ARHGAP29: variants seen among roughly 807,000 people sequenced by gnomAD.
ARHGAP29 encodes the protein Rho GTPase activating protein 29, also known as rho GTPase-activating protein 29.
In ARHGAP29, 43 loss-of-function variants were observed where a neutral mutation model predicts 122.6. That is an observed-to-expected ratio of 0.35 (90% CI 0.27 to 0.45). The LOEUF (loss-of-function observed/expected upper bound fraction) is 0.45, where lower values mean the gene tolerates loss of function less well. Ranked by LOEUF, ARHGAP29 falls within the 20% of genes least tolerant of loss-of-function variation. The pLI, the probability that ARHGAP29 is intolerant of heterozygous loss-of-function variation, is 1.00. For missense variants in ARHGAP29, 1,303 were observed against 1,477.2 expected (o/e 0.88, Z 1.93); for synonymous variants, 506 against 497.1 (o/e 1.02, Z -0.24).
At chr1:94,216,164 T>C (rs574489299) in intron 3 of ARHGAP29, among the ~76,000 whole-genome samples, 2 of 152,302 alleles carry the variant, frequency 1.3e-5, no homozygotes, top group South Asian at 2.1e-4. Context: ...TCAGCAATTA[T>C]TCATCTAGGA....
intron 14 of ARHGAP29, 99 bp from the exon 15 acceptor site, chr1:94,189,040 C>T (rs1649977065): frequency 7.2e-7 from 1 of 1,389,382 alleles, no homozygotes. Flanking sequence ...ATTTCTTTAA[C>T]AATAACCAGT....
At chr1:94,186,397 C>CA in intron 16 of ARHGAP29, 102 bp downstream of exon 16, 1 of 811,694 alleles carries the variant, frequency 1.2e-6, no homozygotes. Context: ...GTTTAATACA[C>CA]AAAAAAGTAT....
At chr1:94,308,070 A>C in the ARHGAP29 span, among the ~76,000 whole-genome samples, 1 of 152,174 alleles carries the variant, frequency 6.6e-6, no homozygotes, top group Non-Finnish European at 1.5e-5. Flanking sequence ...CCTGGCACAA[A>C]GTATGTGCTC....
chr1:94,216,490 C>T (rs895411990), intron 3 of ARHGAP29, among the ~76,000 whole-genome samples: 6 of 152,134 alleles, frequency 3.9e-5, no homozygotes, highest in Non-Finnish European at 8.8e-5. Flanking sequence ...TGTTACTTAT[C>T]TAGGTAAAGG....
intron 12 of ARHGAP29, among the ~76,000 whole-genome samples, chr1:94,198,178 T>C (rs2101481325): frequency 7.4e-6 from 1 of 135,952 alleles, no homozygotes; most frequent in African/African-American, 2.6e-5. Context: ...TATTTCTAAA[T>C]ATTAACAATT....
chr1:94,183,317 C>T (rs1474397636), intron 19 of ARHGAP29, among the ~76,000 whole-genome samples: 2 of 152,108 alleles, frequency 1.3e-5, no homozygotes, highest in Admixed American at 1.3e-4. Context: ...CACCCGAGGA[C>T]AGAATAGCAG....
upstream of ARHGAP29, among the ~76,000 whole-genome samples, chr1:94,279,214 A>C (rs879689757): frequency 3.9e-5 from 6 of 152,192 alleles, no homozygotes; most frequent in Non-Finnish European, 8.8e-5. Flanking sequence ...CAGATGGTTA[A>C]TCTCCAGCAG....
intron 2 of ARHGAP29, among the ~76,000 whole-genome samples, chr1:94,225,343 CA>C (rs1178092228): frequency 6.6e-6 from 1 of 152,032 alleles, no homozygotes; most frequent in African/African-American, 2.4e-5. Flanking sequence ...AGTAAAAACA[CA>C]ATTGATAATA....
intron 20 of ARHGAP29, 106 bp downstream of exon 20, chr1:94,179,604 AAAAAAAAAAAAAAAG>A: frequency 3.3e-6 from 2 of 608,020 alleles, no homozygotes; most frequent in Non-Finnish European, 5.2e-6. Flanking sequence ...AAAAAAAAAA[AAAAAAAAAAAAAAAG>A]AATGGCTAAG....
chr1:94,179,831 T>C lies in ARHGAP29; in HGVS notation c.2374A>G (p.Met792Val), dbSNP rs138781972. 13 of 1,613,342 alleles carry C rather than the reference T, an allele frequency of 8.1e-6. No individual in the cohort carries two copies. The African/African-American group carries it at 1.6e-4, about 20-fold the overall frequency. Residue 792 changes from methionine (M) to valine (V), a missense_variant, in exon 20 of 23, where the codon ATG (methionine) becomes GTG (valine). This residue lies in a region of ARHGAP29 where 620 missense variants were observed against 651.2 expected (regional missense o/e 0.95). Transcript: ENST00000260526. Reference protein sequence around the residue: ...NSLEDKKWPNMCIEINRILLK... With the variant: ...NSLEDKKWPNVCIEINRILLK... Reference sequence around the variant, plus strand: ...AGAATTCGGTTTATTTCTATACACATATTTGGCCATTTTTTGTCTTCAAGA... The same window carrying C: ...AGAATTCGGTTTATTTCTATACACACATTTGGCCATTTTTTGTCTTCAAGA...
intron 1 of ARHGAP29, among the ~76,000 whole-genome samples, chr1:94,272,027 T>C (rs2391472): frequency 0.091 from 13,776 of 152,144 alleles, 675 homozygotes; most frequent in South Asian, 0.13. Context: ...GGTTATCCAC[T>C]TGGGGACCTG....
chr1:94,294,507 C>T, the ARHGAP29 span, among the ~76,000 whole-genome samples: 3 of 152,232 alleles, frequency 2.0e-5, no homozygotes, highest in East Asian at 1.9e-4. Flanking sequence ...AGGCTTATCT[C>T]GCACTCCTGG....
At position 94,172,618 on chromosome 1, in the gene ARHGAP29, T is replaced by TAG. The variant is rs1010315301; in HGVS notation, c.*1250_*1251insCT. 3 of 146,720 alleles carry TAG rather than the reference T, an allele frequency of 2.0e-5. No individual in the cohort carries two copies. The highest frequency in any genetic ancestry group is 4.5e-5 in the Non-Finnish European group (3 of 67,404). 9.1% of individuals were successfully genotyped at this position (146,720 alleles called of 1,614,324 possible). A position where few individuals can be genotyped will look rare whatever the true frequency, so the allele number is the denominator to read the frequency against. ...TGAAATAATTTAACAAGTTGATATA[T>TAG]ATATATATATATATTATCAAGTATA... On this transcript the variant is annotated 3_prime_UTR_variant, in exon 23 of 23. Coordinates refer to ENST00000260526, the MANE Select transcript of ARHGAP29 (RefSeq NM_004815.4).
At chr1:94,216,118 T>C (rs1651943102) in intron 3 of ARHGAP29, among the ~76,000 whole-genome samples, 1 of 152,156 alleles carries the variant, frequency 6.6e-6, no homozygotes, top group Non-Finnish European at 1.5e-5. Context: ...AGGCATCTGG[T>C]AATATCAAAA....
intron 1 of ARHGAP29, among the ~76,000 whole-genome samples, chr1:94,248,639 T>C (rs1385769393): frequency 6.6e-6 from 1 of 152,250 alleles, no homozygotes; most frequent in African/African-American, 2.4e-5. Flanking sequence ...GTCATATTCT[T>C]CACCCTTCTT....
chr1:94,177,887 G>A lies in ARHGAP29; in HGVS notation c.2761C>T (p.Arg921Cys), dbSNP rs1649204849. Reference sequence around the variant, plus strand: ...GAAAAAAATAGTGACTTCATGGAACGTTCAATGTCTCTTTCTTCTGGTGAT... The same window carrying A: ...GAAAAAAATAGTGACTTCATGGAACATTCAATGTCTCTTTCTTCTGGTGAT... Reference protein sequence around the residue: ...LLSPEERDIERSMKSLFFSSK... With the variant: ...LLSPEERDIECSMKSLFFSSK... Residue 921 changes from arginine (R) to cysteine (C), a missense_variant, in exon 21 of 23, where the codon CGT (arginine) becomes TGT (cysteine). Arg to Cys is a radical substitution (Grantham distance 180, BLOSUM62 -3). Coordinates refer to ENST00000260526, the MANE Select transcript of ARHGAP29 (RefSeq NM_004815.4). The A allele has an allele frequency of 4.3e-6, 7 of 1,613,754 alleles. No individual in the cohort carries two copies. The highest frequency in any genetic ancestry group is 1.1e-5 in the South Asian group (1 of 91,002).
chr1:94,297,781 G>A, the ARHGAP29 span, among the ~76,000 whole-genome samples: 7 of 152,192 alleles, frequency 4.6e-5, no homozygotes, highest in African/African-American at 1.7e-4. Context: ...TGAGTTGTGT[G>A]TGGTATGAGC....
chr1:94,199,051 T>C (rs527694971), intron 12 of ARHGAP29, among the ~76,000 whole-genome samples: 2 of 151,532 alleles, frequency 1.3e-5, no homozygotes, highest in Non-Finnish European at 2.9e-5. Context: ...TGGAATCACT[T>C]GGACACAGGG....
intron 1 of ARHGAP29, among the ~76,000 whole-genome samples, chr1:94,254,476 G>A (rs769828958): frequency 6.6e-6 from 1 of 152,210 alleles, no homozygotes; most frequent in Non-Finnish European, 1.5e-5. Context: ...GAGTTAGCCT[G>A]AATTGGCTGC....
Sources: allele counts gnomAD v4.1 joint callset (sites outside exome capture counted in the v4.1 genomes callset), GRCh38; gene constraint gnomAD v4.1.1; regional missense constraint gnomAD v4.1.1; transcripts MANE v1.5; gene names NCBI Gene and HGNC (gene_info 2026-07-23, HGNC 2026-07-21).